The following TNIP1 variants were observed in gnomAD, a reference collection of about 807,000 sequenced individuals.
TNIP1 encodes the protein TNFAIP3 interacting protein 1.
In TNIP1, 22 loss-of-function variants were observed where a neutral mutation model predicts 86.6. That is an observed-to-expected ratio of 0.25 (90% CI 0.18 to 0.36). The LOEUF is 0.36. TNIP1 is among the 10% of genes least tolerant of loss of function. The pLI is 1.00. For missense variants in TNIP1, 709 were observed against 820.6 expected (o/e 0.86, Z 1.66); for synonymous variants, 294 against 313.0 (o/e 0.94, Z 0.64).
rs370962730 is a variant in TNIP1, at chr5:151,057,009, G to A, written c.436-52C>T. ...ACTCTTCACCAAGGCCTGAGTAGGC[G>A]CCGCCAGTCCATTCTCCCTCTGCTT... is the stretch of plus-strand genomic sequence containing the variant. On this transcript the variant is annotated intron_variant, in intron 5 of 17. Coordinates refer to ENST00000521591, the MANE Select transcript of TNIP1 (RefSeq NM_006058.5). The A allele has an allele frequency of 1.9e-3, 2,548 of 1,352,696 alleles. 4 individuals are homozygous for A. Among genetic ancestry groups the A allele is most frequent in the Middle Eastern group, 7.4e-3 (28 of 3,784 alleles). The allele number at this position is 1,352,696 out of a possible 1,614,324, so 83.8% of individuals were successfully genotyped here. A position where few individuals can be genotyped will look rare whatever the true frequency, so the allele number is the denominator to read the frequency against.
chr5:151,070,927 T>C (rs1021540356), intron 1 of TNIP1, among the ~76,000 whole-genome samples: 2 of 150,798 alleles, frequency 1.3e-5, no homozygotes, highest in African/African-American at 4.9e-5. Flanking sequence ...ATGTAAACCA[T>C]GGACTCCGGG....
At chr5:151,043,409 G>T (rs1001113209) in intron 9 of TNIP1, among the ~76,000 whole-genome samples, 1 of 152,120 alleles carries the variant, frequency 6.6e-6, no homozygotes, top group Non-Finnish European at 1.5e-5. Context: ...AAATCCAGAG[G>T]CCAATCTAAG....
chr5:151,044,272 T>C (rs1758835838), intron 9 of TNIP1, among the ~76,000 whole-genome samples: 1 of 152,056 alleles, frequency 6.6e-6, no homozygotes, highest in South Asian at 2.1e-4. Flanking sequence ...AAACTCCTGG[T>C]TGCAAGTAAT....
intron 4 of TNIP1, 63 bp from the exon 5 acceptor site, chr5:151,060,458 C>A: frequency 6.6e-7 from 1 of 1,526,262 alleles, no homozygotes; most frequent in Non-Finnish European, 9.1e-7. Context: ...CTCTGCGGCC[C>A]TGTGGCTGAG....
intron 7 of TNIP1, 81 bp downstream of exon 7, chr5:151,052,084 A>G: frequency 1.5e-6 from 2 of 1,330,878 alleles, no homozygotes; most frequent in Non-Finnish European, 2.1e-6. Context: ...ACGGTCCTCA[A>G]CCCAGAAATC....
chr5:151,071,335 G>T lies in TNIP1; in HGVS notation c.-36-6204C>A, dbSNP rs76189950. Among the ~76,000 whole-genome samples, 1,140 of 152,174 alleles carry T rather than the reference G, an allele frequency of 7.5e-3. 11 individuals are homozygous for T. Among genetic ancestry groups the T allele is most frequent in the African/African-American group, 0.026 (1,068 of 41,508 alleles). On this transcript the variant is annotated intron_variant, in intron 1 of 17. Transcript: ENST00000521591. Reference sequence around the variant, plus strand: ...AGAGTCTCATATAGTAACAGCTGGGGCGCCAGAACTGTGGGATCTAGTCAA... The same window carrying T: ...AGAGTCTCATATAGTAACAGCTGGGTCGCCAGAACTGTGGGATCTAGTCAA...
At chr5:151,059,826 A>T (rs62382337) in intron 5 of TNIP1, among the ~76,000 whole-genome samples, 1,430 of 70,894 alleles carry the variant, frequency 0.02, 2 homozygotes, top group East Asian at 0.085. Context: ...AGAGAGAGAG[A>T]GAGTGTGTGT....
rs529899060 is a variant in TNIP1 at position 151,056,930 on chromosome 5, C to G, written c.463G>C (p.Gly155Arg). The stretch of plus-strand genomic sequence containing the variant: ...CGCTGCAGGTGCAGCATCAGGTTGC[C>G]GTCCTCACGGGGCAGGGGGCCCAGC... ...MALGPLPREDGNLMLHLQRLE... is the reference protein window; with the variant it reads ...MALGPLPREDRNLMLHLQRLE... Residue 155 changes from glycine (G) to arginine (R), a missense_variant, in exon 6 of 18, where the codon GGC (glycine) becomes CGC (arginine). Physicochemically the swap from Gly to Arg is moderately radical, Grantham distance 125. Coordinates refer to ENST00000521591, the MANE Select transcript of TNIP1 (RefSeq NM_006058.5). 254 of 1,569,178 alleles carry G rather than the reference C, an allele frequency of 1.6e-4. 2 individuals carry two copies. In the South Asian group the frequency reaches 2.3e-3, roughly 15 times the overall value.
At chr5:151,059,554 A>C (rs1274023746) in intron 5 of TNIP1, among the ~76,000 whole-genome samples, 1 of 152,238 alleles carries the variant, frequency 6.6e-6, no homozygotes. Context: ...TATTGCTCGC[A>C]TAACAACAAT....
Position 151,066,143 on chromosome 5 carries a change from T to C in TNIP1, c.-36-1012A>G, listed in dbSNP as rs1480520391. ...GTCTAGGGGTGAAAGCAGAGGAGGA[T>C]GGTGGGGAACACAATATTTCAGGTA... On this transcript the variant is annotated intron_variant, in intron 1 of 17. Coordinates refer to ENST00000521591, the MANE Select transcript of TNIP1 (RefSeq NM_006058.5). Among the ~76,000 whole-genome samples the C allele has an allele frequency of 2.0e-5, 3 of 152,170 alleles. 1 individual carries two copies. Among genetic ancestry groups the C allele is most frequent in the African/African-American group, 4.8e-5 (2 of 41,444 alleles).
intron 1 of TNIP1, among the ~76,000 whole-genome samples, chr5:151,079,577 G>A (rs56908687): frequency 0.091 from 13,723 of 151,604 alleles, 1,404 homozygotes; most frequent in African/African-American, 0.26. Flanking sequence ...AGCCGAGATC[G>A]TGCCACTGCA....
At position 151,032,310 on chromosome 5, in the gene TNIP1, G is replaced by A; in HGVS notation, c.1853C>T (p.Pro618Leu). The change falls in exon 17 of 18, where the codon CCC becomes CTC. Residue 618 changes from proline to leucine, a missense_variant. By Grantham distance (98) the Pro-to-Leu change is moderately conservative. Transcript: ENST00000521591. Reference sequence around the variant, plus strand: ...ACCTGGTTCTGTAGGCCTGGCTGTGGGAGGGTCCATCACTTGGGAGCTCTG... The same window carrying A: ...ACCTGGTTCTGTAGGCCTGGCTGTGAGAGGGTCCATCACTTGGGAGCTCTG... The part of the protein sequence containing the change: ...PNQSSQVMDP[P>L]TARPTEPESP... The A allele has an allele frequency of 6.2e-7, 1 of 1,614,040 alleles. No homozygotes were observed. Among genetic ancestry groups the A allele is most frequent in the Non-Finnish European group, 8.5e-7 (1 of 1,179,970 alleles).
rs373432134 is a variant in TNIP1, at chr5:151,052,211, A to C, written c.676T>G (p.Leu226Val). 3.1e-6 allele frequency: 5 copies of C among 1,613,990 alleles called. No individual in the cohort carries two copies. The highest frequency in any genetic ancestry group is 1.7e-5 in the Admixed American group (1 of 60,016). The change falls in exon 7 of 18, where the codon TTG (leucine) becomes GTG (valine). Residue 226 changes from leucine to valine, a missense_variant. By Grantham distance (32) the Leu-to-Val change is conservative. Transcript: ENST00000521591. ...TCCCGCTGTTCCAGGCCCTTATCCAACTTGGCCTTCAGAGCCTCGTTCTCC... is the reference window on the plus strand; with the variant it reads ...TCCCGCTGTTCCAGGCCCTTATCCACCTTGGCCTTCAGAGCCTCGTTCTCC... ...RKENEALKAK[L>V]DKGLEQRDQA... is the part of the protein sequence containing the mutation.
intron 12 of TNIP1, among the ~76,000 whole-genome samples, chr5:151,037,856 G>C (rs1263992950): frequency 6.6e-6 from 1 of 152,182 alleles, no homozygotes; most frequent in Non-Finnish European, 1.5e-5. Flanking sequence ...GCAGGACCGA[G>C]AGTAAATTCA....
intron 8 of TNIP1, 110 bp downstream of exon 8, chr5:151,049,714 C>A (rs1759650022): frequency 7.5e-6 from 10 of 1,333,508 alleles, no homozygotes; most frequent in Middle Eastern, 4.6e-4. Context: ...GAACCTTCTA[C>A]CACTGGCACT....
chr5:151,036,768 G>A (rs1288050998), intron 13 of TNIP1, 22 bp downstream of exon 13: 1 of 1,613,838 alleles, frequency 6.2e-7, no homozygotes, highest in Non-Finnish European at 8.5e-7. Context: ...CCTCCCACCT[G>A]ATTTCCTCCC....
intron 14 of TNIP1, 121 bp from the exon 15 acceptor site, chr5:151,035,188 C>G: frequency 8.7e-7 from 1 of 1,150,354 alleles, no homozygotes; most frequent in South Asian, 1.4e-5. Context: ...GGCCACCATG[C>G]GTGGGCCAGC....
chr5:151,056,905 C>A lies in TNIP1; in HGVS notation c.488G>T (p.Arg163Leu). The A allele has an allele frequency of 1.3e-6, 2 of 1,594,264 alleles. No homozygotes were observed. The highest frequency in any genetic ancestry group is 1.7e-6 in the Non-Finnish European group (2 of 1,170,968). Residue 163 changes from arginine (R) to leucine (L), a missense_variant, in exon 6 of 18, where the codon CGC becomes CTC. Coordinates refer to ENST00000521591, the MANE Select transcript of TNIP1 (RefSeq NM_006058.5). ...ACACACACTCAGCGTGGTCTCCAGG[C>A]GCTGCAGGTGCAGCATCAGGTTGCC... ...EDGNLMLHLQRLETTLSVCAE... is the reference protein window; with the variant it reads ...EDGNLMLHLQLLETTLSVCAE...
Position 151,056,941 on chromosome 5 carries a change from G to A in TNIP1, c.452C>T (p.Pro151Leu). 6.5e-7 allele frequency: 1 copy of A among 1,541,106 alleles called. No individual in the cohort carries two copies. The highest frequency in any genetic ancestry group is 1.7e-4 in the Middle Eastern group (1 of 5,878). ...HANAMALGPLPREDGNLMLHL... is the reference protein window; with the variant it reads ...HANAMALGPLLREDGNLMLHL... ...CAGCATCAGGTTGCCGTCCTCACGGGGCAGGGGGCCCAGCGCCTGGAGAGG... is the reference window on the plus strand; with the variant it reads ...CAGCATCAGGTTGCCGTCCTCACGGAGCAGGGGGCCCAGCGCCTGGAGAGG... The change falls in exon 6 of 18, where the codon CCC (proline) becomes CTC (leucine). Residue 151 changes from proline to leucine, a missense_variant. By Grantham distance (98) the Pro-to-Leu change is moderately conservative. Coordinates refer to ENST00000521591, the MANE Select transcript of TNIP1 (RefSeq NM_006058.5).
Sources: allele counts gnomAD v4.1 joint callset (sites outside exome capture counted in the v4.1 genomes callset), GRCh38; gene constraint gnomAD v4.1.1; transcripts MANE v1.5; gene names NCBI Gene and HGNC (gene_info 2026-07-23, HGNC 2026-07-21).